HS3ST2: variants seen among roughly 807,000 people sequenced by gnomAD.
The protein encoded by HS3ST2 is heparan sulfate-glucosamine 3-sulfotransferase 2, also known as heparan sulfate glucosamine 3-O-sulfotransferase 2.
A neutral mutation model predicts 26.3 loss-of-function variants in HS3ST2; 17 were observed. The ratio of observed to expected loss-of-function variants is 0.65; its 90% CI spans 0.44 to 0.97. The LOEUF (loss-of-function observed/expected upper bound fraction) is 0.97, where lower values mean the gene tolerates loss of function less well. Ranked by LOEUF, HS3ST2 falls within the 50% of genes least tolerant of loss-of-function variation. The pLI is 0.00. For synonymous variants in HS3ST2, 237 were observed against 219.2 expected (o/e 1.08, Z -0.72); for missense variants, 402 against 501.2 (o/e 0.80, Z 1.89).
chr16:22,847,972 A>C (rs1035213544), intron 1 of HS3ST2, among the ~76,000 whole-genome samples: 1 of 152,082 alleles, frequency 6.6e-6, no homozygotes, highest in African/African-American at 2.4e-5. Flanking sequence ...AGAGTGAGAA[A>C]GAAAGAATTT....
intron 1 of HS3ST2, among the ~76,000 whole-genome samples, chr16:22,883,337 G>C (rs1169749537): frequency 2.0e-5 from 3 of 152,226 alleles, no homozygotes; most frequent in Non-Finnish European, 2.9e-5. Flanking sequence ...AAAAATTGGA[G>C]AGGCCAGAAT....
chr16:22,860,398 A>G (rs1180362389), intron 1 of HS3ST2, among the ~76,000 whole-genome samples: 1 of 152,176 alleles, frequency 6.6e-6, no homozygotes, highest in African/African-American at 2.4e-5. Flanking sequence ...GGTCCCTCCC[A>G]TGACACATGG....
rs3078722 is a variant in HS3ST2 at position 22,855,696 on chromosome 16, G to GTCTCTCTCTCTCTCTCTCTCTC, written c.485+40613_485+40634dup. Among the ~76,000 whole-genome samples the GTCTCTCTCTCTCTCTCTCTCTC allele has an allele frequency of 7.7e-5, 11 of 143,042 alleles. 1 individual carries two copies. The highest frequency in any genetic ancestry group is 4.2e-4 in the East Asian group (2 of 4,744). The allele number at this position is 143,042 out of a possible 152,430, so 93.8% of individuals were successfully genotyped here. A position where few individuals can be genotyped will look rare whatever the true frequency, so the allele number is the denominator to read the frequency against. ...TCTCTGTCTGTCTCTCTGTCTCTCT[G>GTCTCTCTCTCTCTCTCTCTCTC]TCTCTCTCTCTCTCTCTCTCTCTCT... On this transcript the variant is annotated intron_variant, in intron 1 of 1. Transcript: ENST00000261374.
intron 1 of HS3ST2, among the ~76,000 whole-genome samples, chr16:22,860,876 A>G (rs1901664313): frequency 6.6e-6 from 1 of 150,740 alleles, no homozygotes; most frequent in Non-Finnish European, 1.5e-5. Context: ...TGTATTTAAT[A>G]TAATTATATA....
intron 1 of HS3ST2, among the ~76,000 whole-genome samples, chr16:22,888,706 A>T (rs1902096096): frequency 1.3e-5 from 2 of 152,166 alleles, no homozygotes; most frequent in South Asian, 2.1e-4. Flanking sequence ...TTTTCTTAGC[A>T]TTAGACACCA....
chr16:22,906,315 G>C (rs561096680), intron 1 of HS3ST2, among the ~76,000 whole-genome samples: 1 of 151,964 alleles, frequency 6.6e-6, no homozygotes, highest in East Asian at 1.9e-4. Flanking sequence ...AAGTGGCAGT[G>C]AGCCGAGATT....
chr16:22,903,086 C>T (rs1178149191), intron 1 of HS3ST2, among the ~76,000 whole-genome samples: 1 of 151,926 alleles, frequency 6.6e-6, no homozygotes, highest in African/African-American at 2.4e-5. Flanking sequence ...TCCATCTTTT[C>T]CTTCATGATT....
chr16:22,844,877 T>TG, intron 1 of HS3ST2, among the ~76,000 whole-genome samples: 1 of 151,480 alleles, frequency 6.6e-6, no homozygotes, highest in Non-Finnish European at 1.5e-5. Flanking sequence ...TTTTTTGAGA[T>TG]GGAGTCTCAG....
At chr16:22,830,883 A>G (rs1901158227) in intron 1 of HS3ST2, among the ~76,000 whole-genome samples, 2 of 152,228 alleles carry the variant, frequency 1.3e-5, no homozygotes, top group African/African-American at 2.4e-5. Context: ...ACTCAAATGC[A>G]TTTACCTAAA....
At chr16:22,825,233 G>A (rs920997057) in intron 1 of HS3ST2, among the ~76,000 whole-genome samples, 5 of 152,194 alleles carry the variant, frequency 3.3e-5, no homozygotes, top group African/African-American at 7.2e-5. Context: ...CATATTGACT[G>A]CCACATAGGG....
At chr16:22,862,065 T>A (rs747271637) in intron 1 of HS3ST2, among the ~76,000 whole-genome samples, 8 of 152,212 alleles carry the variant, frequency 5.3e-5, no homozygotes, top group Non-Finnish European at 1.2e-4. Flanking sequence ...GTGAGCTCCA[T>A]GAGTAGGGGT....
At chr16:22,885,030 A>G (rs1400314663) in intron 1 of HS3ST2, among the ~76,000 whole-genome samples, 2 of 151,620 alleles carry the variant, frequency 1.3e-5, no homozygotes, top group Non-Finnish European at 2.9e-5. Context: ...TAGTAGAGAT[A>G]GGGTTTCGCC....
rs552182859 is a variant in HS3ST2, at chr16:22,878,921, G to A, written c.486-36023G>A. 2.8e-4 allele frequency among the ~76,000 whole-genome samples: 42 copies of A among 152,340 alleles called. 3 individuals carry two copies. In the East Asian group the frequency reaches 3.3e-3, roughly 12 times the overall value. On this transcript the variant is annotated intron_variant, in intron 1 of 1. Transcript: ENST00000261374. ...CTGAGGCTGGAGTGGAGTAAGGGAGGGCGAGATGGCTGGAGATGAAGTCAG... is the reference window on the plus strand; with the variant it reads ...CTGAGGCTGGAGTGGAGTAAGGGAGAGCGAGATGGCTGGAGATGAAGTCAG...
At chr16:22,830,098 T>C (rs529123786) in intron 1 of HS3ST2, among the ~76,000 whole-genome samples, 1 of 152,300 alleles carries the variant, frequency 6.6e-6, no homozygotes, top group South Asian at 2.1e-4. Context: ...TTGTCATTCA[T>C]GTACATGCCC....
At chr16:22,892,993 C>T (rs1011750575) in intron 1 of HS3ST2, among the ~76,000 whole-genome samples, 1 of 152,192 alleles carries the variant, frequency 6.6e-6, no homozygotes, top group Non-Finnish European at 1.5e-5. Flanking sequence ...GATTTTCCAT[C>T]TCTCCAGTTA....
At chr16:22,868,907 G>C (rs75540623) in intron 1 of HS3ST2, among the ~76,000 whole-genome samples, 1 of 152,080 alleles carries the variant, frequency 6.6e-6, no homozygotes, top group East Asian at 1.9e-4. Context: ...CTAGTATGAA[G>C]ATGGCCCATT....
chr16:22,910,260 C>A (rs756833964), intron 1 of HS3ST2, among the ~76,000 whole-genome samples: 1 of 152,054 alleles, frequency 6.6e-6, no homozygotes, highest in Non-Finnish European at 1.5e-5. Context: ...CTTGGATATT[C>A]TTTAGTGTAT....
chr16:22,820,367 C>T (rs1262221272), intron 1 of HS3ST2, among the ~76,000 whole-genome samples: 1 of 152,344 alleles, frequency 6.6e-6, no homozygotes, highest in South Asian at 2.1e-4. Context: ...GAATGAAGAA[C>T]AGGCTTTCCC....
At chr16:22,857,792 GGC>G (rs1901616238) in intron 1 of HS3ST2, among the ~76,000 whole-genome samples, 1 of 152,078 alleles carries the variant, frequency 6.6e-6, no homozygotes, top group Non-Finnish European at 1.5e-5. Context: ...GCCCAATTAT[GGC>G]TGCCTTATCC....
Sources: allele counts gnomAD v4.1 joint callset (sites outside exome capture counted in the v4.1 genomes callset), GRCh38; gene constraint gnomAD v4.1.1; transcripts MANE v1.5; gene names NCBI Gene and HGNC (gene_info 2026-07-23, HGNC 2026-07-21).